Variants in PIWIL4 observed in about 807,000 individuals in gnomAD.
PIWIL4 encodes the protein piwi-like protein 4.
A neutral mutation model predicts 100.9 loss-of-function variants in PIWIL4; 50 were observed. The ratio of observed to expected loss-of-function variants is 0.50; its 90% CI spans 0.39 to 0.63. The LOEUF (loss-of-function observed/expected upper bound fraction) is 0.63, where lower values mean the gene tolerates loss of function less well. PIWIL4 is among the 20% of genes least tolerant of loss of function. The pLI, the probability that PIWIL4 is intolerant of heterozygous loss-of-function variation, is 0.00. For synonymous variants in PIWIL4, 342 were observed against 367.5 expected (o/e 0.93, Z 0.79); for missense variants, 887 against 1,043.3 (o/e 0.85, Z 2.06).
intron 2 of PIWIL4, among the ~76,000 whole-genome samples, chr11:94,571,842 A>G (rs1020489027): frequency 3.9e-5 from 6 of 152,144 alleles, no homozygotes; most frequent in Non-Finnish European, 7.4e-5. Flanking sequence ...CTAGTTCTAG[A>G]TCCTTGAGGA....
At chr11:94,585,267 T>A (rs949558785) in intron 5 of PIWIL4, among the ~76,000 whole-genome samples, 178 bp from the exon 6 acceptor site, 3 of 152,160 alleles carry the variant, frequency 2.0e-5, no homozygotes, top group Non-Finnish European at 2.9e-5. Flanking sequence ...TATGAAGAAG[T>A]GATAGTTCTT....
chr11:94,609,049 C>T (rs796758283), intron 15 of PIWIL4, among the ~76,000 whole-genome samples: 13 of 152,264 alleles, frequency 8.5e-5, no homozygotes, highest in African/African-American at 3.1e-4. Context: ...ATCAGATTGC[C>T]TGGATTTATA....
intron 4 of PIWIL4, among the ~76,000 whole-genome samples, chr11:94,578,954 C>G (rs1948279191): frequency 6.6e-6 from 1 of 152,134 alleles, no homozygotes; most frequent in Non-Finnish European, 1.5e-5. Flanking sequence ...AAAAGACTTC[C>G]TAATTAAGAT....
At position 94,569,974 on chromosome 11, in the gene PIWIL4, G is replaced by GA. The variant is rs571783540; in HGVS notation, c.166+1176dup. ...ATGTATACGCATTTTTAAAAAAGCA[G>GA]AAAAAAAAAATCTGAACGGCATATA... On this transcript the variant is annotated intron_variant, in intron 2 of 19. Coordinates refer to ENST00000299001, the MANE Select transcript of PIWIL4 (RefSeq NM_152431.3). Among the ~76,000 whole-genome samples the GA allele has an allele frequency of 1.7e-4, 26 of 149,712 alleles. No homozygotes were observed. In the East Asian group the frequency reaches 3.7e-3, roughly 21 times the overall value.
intron 5 of PIWIL4, 32 bp downstream of exon 5, chr11:94,583,601 G>T: frequency 6.2e-7 from 1 of 1,612,202 alleles, no homozygotes; most frequent in Non-Finnish European, 8.5e-7. Flanking sequence ...TTTAATTTGG[G>T]CTAATGATAC....
At chr11:94,616,740 A>G (rs183184279) in intron 16 of PIWIL4, among the ~76,000 whole-genome samples, 177 bp downstream of exon 16, 3 of 152,326 alleles carry the variant, frequency 2.0e-5, no homozygotes, top group African/African-American at 7.2e-5. Flanking sequence ...CAATCAGACT[A>G]TGTAGCATTT....
At position 94,570,758 on chromosome 11, in the gene PIWIL4, G is replaced by A. The variant is rs188378078; in HGVS notation, c.166+1950G>A. 1.2e-3 allele frequency among the ~76,000 whole-genome samples: 179 copies of A among 152,196 alleles called. 2 individuals carry two copies. The highest frequency in any genetic ancestry group is 4.1e-3 in the African/African-American group (169 of 41,538). On this transcript the variant is annotated intron_variant, in intron 2 of 19. Transcript: ENST00000299001. ...ATACAAAAAATTAGCCAGGCATGGC[G>A]GTGCACACCTGTAATCCCAGCTGCT...
chr11:94,606,540 TAGG>T (rs1948719813), intron 13 of PIWIL4, among the ~76,000 whole-genome samples: 1 of 152,110 alleles, frequency 6.6e-6, no homozygotes, highest in African/African-American at 2.4e-5. Flanking sequence ...TGATAAGAAG[TAGG>T]AGTAGGCCAG....
intron 11 of PIWIL4, among the ~76,000 whole-genome samples, chr11:94,598,957 C>T (rs2135278734): frequency 1.3e-5 from 2 of 152,306 alleles, no homozygotes; most frequent in South Asian, 4.1e-4. Flanking sequence ...ATCCTCCCAC[C>T]TCAGCCTCTC....
chr11:94,602,483 C>T (rs1414201452), intron 12 of PIWIL4, among the ~76,000 whole-genome samples: 4 of 152,170 alleles, frequency 2.6e-5, no homozygotes, highest in Admixed American at 2.6e-4. Context: ...TCTGATAAGA[C>T]TAAGGTCAAC....
rs996194766 is a variant in PIWIL4, at chr11:94,604,045, G to A, written c.1627G>A (p.Asp543Asn). 1 of 1,603,136 alleles carries A rather than the reference G, an allele frequency of 6.2e-7. No individual in the cohort carries two copies. Among genetic ancestry groups the A allele is most frequent in the Non-Finnish European group, 8.5e-7 (1 of 1,172,900 alleles). Residue 543 changes from aspartate to asparagine, a missense_variant, in exon 13 of 20, where the codon GAT becomes AAT. By Grantham distance (23) the Asp-to-Asn change is conservative. Around this residue, in one of 2 missense-constraint regions of PIWIL4, gnomAD observed 741 missense variants for 930.0 expected, o/e 0.80. Coordinates refer to ENST00000299001, the MANE Select transcript of PIWIL4 (RefSeq NM_152431.3). Reference protein sequence around the residue: ...VRAIQQYVDPDVQLVMCILPS... With the variant: ...VRAIQQYVDPNVQLVMCILPS... The stretch of plus-strand genomic sequence containing the variant: ...AGCTATACAGCAATATGTTGATCCT[G>A]ATGTTCAGCTGGTAAGTACAGGATA...
At chr11:94,615,683 G>T (rs1485608764) in intron 15 of PIWIL4, among the ~76,000 whole-genome samples, 2 of 152,146 alleles carry the variant, frequency 1.3e-5, no homozygotes, top group African/African-American at 4.8e-5. Flanking sequence ...CTGGAGTGCA[G>T]TGGCTATTCA....
intron 8 of PIWIL4, among the ~76,000 whole-genome samples, chr11:94,590,047 T>C (rs1565275164): frequency 6.6e-6 from 1 of 152,238 alleles, no homozygotes; most frequent in Non-Finnish European, 1.5e-5. Flanking sequence ...CTTTAATGTA[T>C]AGTAATATTC....
chr11:94,596,250 CTTT>C (rs912905757), intron 10 of PIWIL4, among the ~76,000 whole-genome samples: 2 of 138,836 alleles, frequency 1.4e-5, no homozygotes, highest in African/African-American at 5.3e-5. Context: ...GATCAACAGT[CTTT>C]TTTTTTTTTT....
chr11:94,603,347 A>G (rs942592128), intron 12 of PIWIL4, among the ~76,000 whole-genome samples: 5 of 152,202 alleles, frequency 3.3e-5, no homozygotes, highest in African/African-American at 1.2e-4. Context: ...GATTCTACAT[A>G]AAGAAACTAG....
intron 13 of PIWIL4, among the ~76,000 whole-genome samples, chr11:94,606,603 G>A (rs1246281049): frequency 6.6e-6 from 1 of 152,116 alleles, no homozygotes; most frequent in African/African-American, 2.4e-5. Context: ...GCCAGGCCGG[G>A]GTGAGTGGAT....
At chr11:94,584,671 C>T (rs1948374019) in intron 5 of PIWIL4, among the ~76,000 whole-genome samples, 1 of 152,184 alleles carries the variant, frequency 6.6e-6, no homozygotes, top group Non-Finnish European at 1.5e-5. Flanking sequence ...TGACTTGAAA[C>T]CCCCATGTAG....
At position 94,577,290 on chromosome 11, in the gene PIWIL4, T is replaced by C. The variant is rs1434568052; in HGVS notation, c.311T>C (p.Ile104Thr). Residue 104 changes from isoleucine to threonine, a missense_variant, in exon 4 of 20, where the codon ATA becomes ACA. This residue lies in a region of PIWIL4 where 741 missense variants were observed against 930.0 expected (regional missense o/e 0.80). Transcript: ENST00000299001. ...VRNCKTGSSG[I>T]PVKLVTNLFN... The stretch of plus-strand genomic sequence containing the variant: ...TTGTCTTCTTCAGGTTCCAGTGGAA[T>C]ACCTGTGAAACTGGTTACAAACCTC... 6.2e-7 allele frequency: 1 copy of C among 1,613,218 alleles called. No homozygotes were observed. Among genetic ancestry groups the C allele is most frequent in the Admixed American group, 1.7e-5 (1 of 59,922 alleles).
chr11:94,614,993 T>C (rs536236509), intron 15 of PIWIL4, among the ~76,000 whole-genome samples: 2 of 152,288 alleles, frequency 1.3e-5, no homozygotes, highest in South Asian at 4.1e-4. Flanking sequence ...ACAAATGTGG[T>C]TGGGGAGCCA....
Sources: gnomAD v4.1 joint callset for allele counts (sites outside exome capture counted in the v4.1 genomes callset) on GRCh38, gnomAD v4.1.1 for gene constraint, gnomAD v4.1.1 regional missense constraint, MANE v1.5 for transcripts, NCBI Gene and HGNC (gene_info 2026-07-23, HGNC 2026-07-21) for gene names.